The following EYA1 variants were observed in gnomAD, a reference collection of about 807,000 sequenced individuals.
The protein encoded by EYA1 is EYA transcriptional coactivator and phosphatase 1.
A neutral mutation model predicts 82.0 loss-of-function variants in EYA1; 16 were observed. The observed-to-expected ratio is 0.20, with a 90% confidence interval of 0.13 to 0.30. The LOEUF (loss-of-function observed/expected upper bound fraction) is 0.30. Ranked by LOEUF, EYA1 falls within the 10% of genes least tolerant of loss-of-function variation. EYA1 has a pLI of 1.00. For synonymous variants in EYA1, 261 were observed against 264.4 expected (o/e 0.99, Z 0.12); for missense variants, 633 against 730.7 (o/e 0.87, Z 1.54).
chr8:71,258,824 G>A (rs917196112), intron 11 of EYA1, among the ~76,000 whole-genome samples: 3 of 152,182 alleles, frequency 2.0e-5, no homozygotes, highest in Non-Finnish European at 4.4e-5. Context: ...AAGGCGGTAT[G>A]TATTTATCCT....
At position 71,237,144 on chromosome 8, in the gene EYA1, C is replaced by T. The variant is rs376630369; in HGVS notation, c.1140+7459G>A. Among the ~76,000 whole-genome samples, 20 of 152,024 alleles carry T rather than the reference C, an allele frequency of 1.3e-4. No homozygotes were observed. The East Asian group carries it at 1.6e-3, about 12-fold the overall frequency. On this transcript the variant is annotated intron_variant, in intron 12 of 17. Transcript: ENST00000340726. ...TCGGCTTACTGCAACCTCCGCCTCC[C>T]GGGTTCAAGGGATTCTCCTGCCTCA...
At chr8:71,422,186 G>A (rs1639426751) in intron 2 of EYA1, among the ~76,000 whole-genome samples, 1 of 152,232 alleles carries the variant, frequency 6.6e-6, no homozygotes, top group South Asian at 2.1e-4. Context: ...TTATGGGGAA[G>A]CCTCCCAGAT....
At chr8:71,482,766 A>G (rs1157191411) in intron 2 of EYA1, among the ~76,000 whole-genome samples, 1 of 152,238 alleles carries the variant, frequency 6.6e-6, no homozygotes, top group Non-Finnish European at 1.5e-5. Context: ...CGAGCAAACA[A>G]TAGATGCCAG....
chr8:71,332,135 G>A (rs1216654790), intron 4 of EYA1, among the ~76,000 whole-genome samples: 1 of 152,140 alleles, frequency 6.6e-6, no homozygotes, highest in Admixed American at 6.5e-5. Flanking sequence ...TTACACGTGT[G>A]AACCACCATG....
intron 2 of EYA1, among the ~76,000 whole-genome samples, chr8:71,482,632 C>A (rs1047499241): frequency 3.3e-5 from 5 of 152,086 alleles, no homozygotes; most frequent in African/African-American, 4.8e-5. Flanking sequence ...AAAATGAAAT[C>A]ATCAAATGTT....
chr8:71,212,205 A>G (rs1808601858), intron 16 of EYA1, among the ~76,000 whole-genome samples: 1 of 152,230 alleles, frequency 6.6e-6, no homozygotes, highest in South Asian at 2.1e-4. Context: ...AGATATACAC[A>G]TGAACAAATT....
At chr8:71,351,433 T>C (rs1290845023) in intron 3 of EYA1, among the ~76,000 whole-genome samples, 3 of 152,236 alleles carry the variant, frequency 2.0e-5, no homozygotes, top group African/African-American at 7.2e-5. Context: ...TATATTTTTA[T>C]ATTGCAAAGA....
intron 2 of EYA1, among the ~76,000 whole-genome samples, chr8:71,480,148 A>T (rs1053972640): frequency 6.6e-6 from 1 of 152,208 alleles, no homozygotes; most frequent in Admixed American, 6.5e-5. Flanking sequence ...TCCATAACGT[A>T]TTGTTACAGT....
In EYA1 at chr8:71,317,743, T is replaced by C. The variant is rs1468213907; in HGVS notation, c.419-54A>G. ...CTGTCCATTTTCAAAAGCTGGTAAA[T>C]ATACAAAAACATACACTTCCACAAC... is the stretch of plus-strand genomic sequence containing the variant. On this transcript the variant is annotated intron_variant, in intron 6 of 17. Transcript: ENST00000340726. 5.1e-6 allele frequency: 8 copies of C among 1,571,216 alleles called. No individual in the cohort carries two copies. The East Asian group carries it at 1.8e-4, about 35-fold the overall frequency.
At chr8:71,317,855 G>GT (rs1329547207) in intron 6 of EYA1, among the ~76,000 whole-genome samples, 166 bp from the exon 7 acceptor site, 2 of 152,140 alleles carry the variant, frequency 1.3e-5, no homozygotes, top group African/African-American at 4.8e-5. Context: ...TACAACTTCA[G>GT]TTTTTTAAAT....
chr8:71,236,882 C>T (rs570872237), intron 12 of EYA1, among the ~76,000 whole-genome samples: 1 of 152,242 alleles, frequency 6.6e-6, no homozygotes, highest in East Asian at 1.9e-4. Context: ...AAAGGATCAG[C>T]ACATCAAAGT....
intron 16 of EYA1, among the ~76,000 whole-genome samples, chr8:71,212,257 T>C (rs2128839167): frequency 6.6e-6 from 1 of 152,360 alleles, no homozygotes; most frequent in South Asian, 2.1e-4. Flanking sequence ...ATTTGTATTT[T>C]GCACTAAAAT....
intron 4 of EYA1, among the ~76,000 whole-genome samples, chr8:71,324,853 A>C (rs540692264): frequency 1.3e-5 from 2 of 151,866 alleles, no homozygotes; most frequent in East Asian, 3.9e-4. Context: ...TGCATACTCC[A>C]TCCATACTCT....
intron 2 of EYA1, among the ~76,000 whole-genome samples, chr8:71,439,624 A>G (rs757352562): frequency 1.3e-5 from 2 of 152,228 alleles, no homozygotes; most frequent in Non-Finnish European, 2.9e-5. Flanking sequence ...CTTACCATTC[A>G]TTCTGGTGTT....
intron 2 of EYA1, among the ~76,000 whole-genome samples, chr8:71,411,567 G>A (rs1378238830): frequency 8.3e-4 from 125 of 150,808 alleles, no homozygotes; most frequent in African/African-American, 2.7e-3. Flanking sequence ...AAAAGTGGGC[G>A]AAGGACATGA....
intron 11 of EYA1, among the ~76,000 whole-genome samples, chr8:71,263,614 C>T (rs545973210): frequency 2.0e-5 from 3 of 152,200 alleles, no homozygotes; most frequent in Non-Finnish European, 2.9e-5. Context: ...TGAATTGTCC[C>T]GGAAGGCAGG....
intron 4 of EYA1, among the ~76,000 whole-genome samples, chr8:71,326,435 A>C (rs1014421512): frequency 6.6e-6 from 1 of 152,120 alleles, no homozygotes; most frequent in African/African-American, 2.4e-5. Flanking sequence ...ACTCTGTTCC[A>C]GTCACCAATG....
At chr8:71,404,571 A>G (rs2129130932) in intron 2 of EYA1, 1 of 152,366 alleles carries the variant, frequency 6.6e-6, no homozygotes, top group East Asian at 1.9e-4. Context: ...GACAGAACAC[A>G]TCATCTGATA....
At chr8:71,412,425 AT>A (rs1563588631) in intron 2 of EYA1, among the ~76,000 whole-genome samples, 13 of 96,734 alleles carry the variant, frequency 1.3e-4, no homozygotes, top group African/African-American at 5.5e-4. Flanking sequence ...ATAAAATAAA[AT>A]AAAAAAAAGA....
Sources: gnomAD v4.1 joint callset for allele counts (sites outside exome capture counted in the v4.1 genomes callset) on GRCh38, gnomAD v4.1.1 for gene constraint, MANE v1.5 for transcripts, NCBI Gene and HGNC (gene_info 2026-07-23, HGNC 2026-07-21) for gene names.